Variants in LINGO2 observed in about 807,000 individuals in gnomAD.
The protein encoded by LINGO2 is leucine rich repeat and Ig domain containing 2.
A neutral mutation model predicts 30.6 loss-of-function variants in LINGO2; 14 were observed. The observed-to-expected ratio is 0.46, with a 90% CI of 0.30 to 0.72. LINGO2 has a LOEUF of 0.72. Ranked by LOEUF, LINGO2 falls within the 30% of genes least tolerant of loss-of-function variation. The pLI is 0.07. For synonymous variants in LINGO2, 317 were observed against 288.5 expected, an observed-to-expected ratio of 1.10 and a Z score of -1.00; for missense variants, 729 against 751.7, an observed-to-expected ratio of 0.97 and a Z score of 0.35.
intron 4 of LINGO2, among the ~76,000 whole-genome samples, chr9:28,201,966 C>T (rs376411901): frequency 1.3e-5 from 2 of 152,142 alleles, no homozygotes; most frequent in South Asian, 2.1e-4. Context: ...TTGGTTCCTT[C>T]TGGGGGCTGT....
At chr9:28,577,754 T>G (rs1824061025) in intron 1 of LINGO2, among the ~76,000 whole-genome samples, 1 of 152,162 alleles carries the variant, frequency 6.6e-6, no homozygotes, top group African/African-American at 2.4e-5. Flanking sequence ...ACGCATTCAT[T>G]TCTTCAAAGT....
At chr9:29,009,095 C>A in the LINGO2 span, among the ~76,000 whole-genome samples, 2 of 152,170 alleles carry the variant, frequency 1.3e-5, no homozygotes, top group Non-Finnish European at 2.9e-5. Context: ...TGGGCAAAAA[C>A]TGGAAGCATT....
chr9:28,477,751 T>C (rs1825786129), intron 1 of LINGO2, among the ~76,000 whole-genome samples: 1 of 152,140 alleles, frequency 6.6e-6, no homozygotes, highest in African/African-American at 2.4e-5. Flanking sequence ...CTACAATAAA[T>C]TGCTCACATA....
chr9:28,240,705 G>T (rs539623633), intron 4 of LINGO2, among the ~76,000 whole-genome samples: 1 of 152,188 alleles, frequency 6.6e-6, no homozygotes, highest in South Asian at 2.1e-4. Flanking sequence ...AGAAAACCTT[G>T]GGGGAAACTC....
At chr9:28,370,321 C>G (rs535569950) in intron 3 of LINGO2, among the ~76,000 whole-genome samples, 1 of 152,238 alleles carries the variant, frequency 6.6e-6, no homozygotes, top group East Asian at 1.9e-4. Context: ...TTTTGACCAC[C>G]TCCTCCTCAC....
chr9:29,177,111 A>G, the LINGO2 span, among the ~76,000 whole-genome samples: 3 of 152,210 alleles, frequency 2.0e-5, no homozygotes, highest in Admixed American at 2.0e-4. Flanking sequence ...TTAGTTCTTC[A>G]GGATAAATAT....
chr9:29,087,249 T>A, the LINGO2 span, among the ~76,000 whole-genome samples: 2 of 152,154 alleles, frequency 1.3e-5, no homozygotes, highest in African/African-American at 4.8e-5. Flanking sequence ...CCTGGGTAAG[T>A]TCTACAAGAC....
At chr9:28,915,699 A>G in the LINGO2 span, among the ~76,000 whole-genome samples, 793 of 152,300 alleles carry the variant, frequency 5.2e-3, 6 homozygotes, top group African/African-American at 0.018. Context: ...AGTGAATCAC[A>G]TAGTTCAAAT....
chr9:29,078,213 C>G, the LINGO2 span, among the ~76,000 whole-genome samples: 8 of 151,860 alleles, frequency 5.3e-5, no homozygotes, highest in Non-Finnish European at 8.8e-5. Context: ...AACCATGAGG[C>G]AGAAGGAAAA....
rs10968459 is a variant in LINGO2, at chr9:28,295,373, C to T, written c.-245-7G>A. 2,451 of 152,628 alleles carry T rather than the reference C, an allele frequency of 0.016. 140 individuals carry two copies. The East Asian group carries it at 0.19, about 12-fold the overall frequency. 9.5% of individuals were successfully genotyped at this position (152,628 alleles called of 1,614,324 possible). On this transcript the variant is annotated splice_region_variant and splice_polypyrimidine_tract_variant and intron_variant, in intron 3 of 5. Transcript: ENST00000379992. ...CCAACTGCTTGAAACGAACCTGCAA[C>T]AAACAAGATATTTCTCCATTTTAAT...
chr9:28,984,234 C>T, the LINGO2 span, among the ~76,000 whole-genome samples: 7 of 152,032 alleles, frequency 4.6e-5, no homozygotes, highest in East Asian at 1.9e-4. Context: ...GTGCTCATTT[C>T]GTAATAGTTA....
At chr9:28,285,397 C>CA (rs1396342600) in intron 4 of LINGO2, among the ~76,000 whole-genome samples, 2 of 108,320 alleles carry the variant, frequency 1.8e-5, no homozygotes, top group African/African-American at 6.4e-5. Context: ...TGCCCAAGAT[C>CA]ATTTTTTTTT....
intron 1 of LINGO2, among the ~76,000 whole-genome samples, chr9:28,644,516 C>T (rs573189190): frequency 1.8e-4 from 27 of 150,438 alleles, no homozygotes; most frequent in Admixed American, 6.7e-4. Context: ...AGGATGGTTA[C>T]TAGAGGCAGG....
In LINGO2 at chr9:28,188,825, C is replaced by T. The variant is rs1023995400; in HGVS notation, c.-87+106383G>A. ...GTCTTATAGGCTGCTGTGACAACAT[C>T]ATCATTTACGTGTAATTACCATGAC... is the stretch of plus-strand genomic sequence containing the variant. On this transcript the variant is annotated intron_variant, in intron 4 of 5. Transcript: ENST00000379992. Among the ~76,000 whole-genome samples, 3 of 152,072 alleles carry T rather than the reference C, an allele frequency of 2.0e-5. No individual in the cohort carries two copies. In the South Asian group the frequency reaches 6.2e-4, roughly 31 times the overall value.
the LINGO2 span, among the ~76,000 whole-genome samples, chr9:28,840,160 G>A: frequency 6.6e-6 from 1 of 151,884 alleles, no homozygotes; most frequent in Non-Finnish European, 1.5e-5. Flanking sequence ...GCACGGAGAT[G>A]CTCAGGTTCC....
chr9:28,945,694 T>C, the LINGO2 span, among the ~76,000 whole-genome samples: 8 of 152,166 alleles, frequency 5.3e-5, no homozygotes, highest in Admixed American at 1.3e-4. Flanking sequence ...CCTGCTACCC[T>C]CTGTATTTAA....
At chr9:28,176,748 T>C (rs1828761290) in intron 4 of LINGO2, among the ~76,000 whole-genome samples, 1 of 152,228 alleles carries the variant, frequency 6.6e-6, no homozygotes, top group Admixed American at 6.5e-5. Flanking sequence ...TCATAAATAC[T>C]TCTTGATTGA....
chr9:28,401,943 G>A (rs1373370767), intron 2 of LINGO2, among the ~76,000 whole-genome samples: 2 of 151,978 alleles, frequency 1.3e-5, no homozygotes, highest in African/African-American at 4.8e-5. Context: ...TCTTTTGTGA[G>A]GTGTCTGTTC....
chr9:29,085,627 A>G, the LINGO2 span, among the ~76,000 whole-genome samples: 2 of 152,124 alleles, frequency 1.3e-5, no homozygotes, highest in Non-Finnish European at 2.9e-5. Context: ...ATAGCTTAGA[A>G]GATATGATTT....
Sources: allele counts gnomAD v4.1 joint callset (sites outside exome capture counted in the v4.1 genomes callset), GRCh38; gene constraint gnomAD v4.1.1; transcripts MANE v1.5; gene names NCBI Gene and HGNC (gene_info 2026-07-23, HGNC 2026-07-21).